DLC1: variants seen among roughly 807,000 people sequenced by gnomAD.
DLC1 encodes the protein rho GTPase-activating protein 7.
In DLC1, 54 loss-of-function variants were observed where a neutral mutation model predicts 140.3. The ratio of observed to expected loss-of-function variants is 0.38; its 90% CI spans 0.31 to 0.48. The LOEUF is 0.48. Ranked by LOEUF, DLC1 falls within the 20% of genes least tolerant of loss-of-function variation. DLC1 has a pLI of 0.96. For missense variants in DLC1, 2,536 were observed against 1,907.0 expected, an observed-to-expected ratio of 1.33 and a Z score of -6.14; for synonymous variants, 986 against 728.1, an observed-to-expected ratio of 1.35 and a Z score of -5.70.
intron 1 of DLC1, among the ~76,000 whole-genome samples, chr8:13,532,092 C>T (rs539979113): frequency 4.7e-4 from 71 of 152,190 alleles, no homozygotes; most frequent in African/African-American, 1.7e-3. Context: ...TAGATTAGAG[C>T]CAAAAGAGGT....
Position 13,393,545 on chromosome 8 carries a change from G to C in DLC1, c.1314+8C>G. 1.2e-6 allele frequency: 2 copies of C among 1,612,742 alleles called. No individual in the cohort carries two copies. Among genetic ancestry groups the C allele is most frequent in the Non-Finnish European group, 1.7e-6 (2 of 1,179,414 alleles). On this transcript the variant is annotated splice_region_variant and intron_variant, in intron 4 of 17. Transcript: ENST00000276297. Reference sequence around the variant, plus strand: ...CGTAGAGACTCTCTGTTATTATTTAGAACTCACCGTAGTCTTGGGTTTGGT... The same window carrying C: ...CGTAGAGACTCTCTGTTATTATTTACAACTCACCGTAGTCTTGGGTTTGGT...
At chr8:13,557,020 A>T (rs1412066156) in intron 1 of DLC1, among the ~76,000 whole-genome samples, 1 of 152,138 alleles carries the variant, frequency 6.6e-6, no homozygotes, top group Non-Finnish European at 1.5e-5. Context: ...AGTAATTGTC[A>T]TATGCATATT....
chr8:13,279,286 T>C (rs570060816), intron 5 of DLC1, among the ~76,000 whole-genome samples: 1 of 152,284 alleles, frequency 6.6e-6, no homozygotes, highest in East Asian at 1.9e-4. Flanking sequence ...ACCAAAGTGT[T>C]ATAAAACAAC....
At position 13,565,968 on chromosome 8, in the gene DLC1, T is replaced by C. The variant is rs112976510; in HGVS notation, c.-126+38569A>G. On this transcript the variant is annotated intron_variant, in intron 1 of 1. Coordinates refer to the DLC1 transcript ENST00000631382. Reference sequence around the variant, plus strand: ...GAGTTCCCTGAACTTATAGTACTTATTTCTCCAAATCCTCTGGACGTGTGT... The same window carrying C: ...GAGTTCCCTGAACTTATAGTACTTACTTCTCCAAATCCTCTGGACGTGTGT... Among the ~76,000 whole-genome samples, 473 of 152,334 alleles carry C rather than the reference T, an allele frequency of 3.1e-3. 7 individuals carry two copies. The highest frequency in any genetic ancestry group is 0.013 in the East Asian group (69 of 5,184).
intron 4 of DLC1, among the ~76,000 whole-genome samples, chr8:13,346,479 C>T (rs187437853): frequency 7.2e-5 from 11 of 152,310 alleles, no homozygotes; most frequent in African/African-American, 1.4e-4. Context: ...TTCTCACAGA[C>T]GGCAAAAACT....
intron 4 of DLC1, among the ~76,000 whole-genome samples, chr8:13,308,163 TAATC>T (rs1832531774): frequency 1.3e-5 from 2 of 152,212 alleles, no homozygotes; most frequent in Non-Finnish European, 2.9e-5. Flanking sequence ...ATAAAAATGA[TAATC>T]AGTGAGTTGG....
chr8:13,412,576 C>G (rs1307658717), intron 2 of DLC1, among the ~76,000 whole-genome samples: 1 of 152,064 alleles, frequency 6.6e-6, no homozygotes, highest in East Asian at 1.9e-4. Flanking sequence ...TAGTTGCATA[C>G]GATGACGCAG....
chr8:13,253,128 A>G (rs184910988), intron 5 of DLC1, among the ~76,000 whole-genome samples: 2 of 152,364 alleles, frequency 1.3e-5, no homozygotes, highest in East Asian at 1.9e-4. Flanking sequence ...TGTAAGAACT[A>G]AAGTTGAGCC....
At chr8:13,129,200 CA>C (rs1431859879) in intron 5 of DLC1, among the ~76,000 whole-genome samples, 2 of 152,246 alleles carry the variant, frequency 1.3e-5, no homozygotes, top group African/African-American at 4.8e-5. Context: ...AAACATACTT[CA>C]ACCCTACAGC....
At chr8:13,350,944 A>G (rs754429165) in intron 4 of DLC1, among the ~76,000 whole-genome samples, 1 of 151,602 alleles carries the variant, frequency 6.6e-6, no homozygotes, top group Non-Finnish European at 1.5e-5. Context: ...ATATTTTTAA[A>G]CACTCAAATC....
intron 5 of DLC1, among the ~76,000 whole-genome samples, chr8:13,278,935 A>C (rs1831268295): frequency 6.6e-6 from 1 of 152,196 alleles, no homozygotes; most frequent in South Asian, 2.1e-4. Flanking sequence ...AAATTCGAAA[A>C]GCTTACATAG....
chr8:13,488,268 A>G (rs1430421166), intron 2 of DLC1, among the ~76,000 whole-genome samples: 1 of 152,182 alleles, frequency 6.6e-6, no homozygotes, highest in Non-Finnish European at 1.5e-5. Flanking sequence ...TCATAGTTGA[A>G]CCATTTTGTT....
intron 4 of DLC1, among the ~76,000 whole-genome samples, chr8:13,364,724 C>T (rs1007665975): frequency 6.6e-6 from 1 of 152,156 alleles, no homozygotes; most frequent in Non-Finnish European, 1.5e-5. Flanking sequence ...TTAAAATTAT[C>T]ACATGCTATA....
chr8:13,086,981 C>A (rs1385851165), intron 16 of DLC1, among the ~76,000 whole-genome samples: 1 of 152,274 alleles, frequency 6.6e-6, no homozygotes, highest in East Asian at 1.9e-4. Context: ...ACTTGGGCAA[C>A]AAAGTGATAC....
At chr8:13,277,263 G>A (rs1160080266) in intron 5 of DLC1, among the ~76,000 whole-genome samples, 1 of 152,078 alleles carries the variant, frequency 6.6e-6, no homozygotes. Flanking sequence ...AGTGACCTGT[G>A]GTCACCCCCA....
At chr8:13,307,135 A>G (rs1057289177) in intron 4 of DLC1, among the ~76,000 whole-genome samples, 1 of 151,220 alleles carries the variant, frequency 6.6e-6, no homozygotes, top group Non-Finnish European at 1.5e-5. Flanking sequence ...TACTTTGGCA[A>G]GATTAATTTG....
intron 5 of DLC1, chr8:13,133,043 C>T: frequency 6.3e-7 from 1 of 1,574,908 alleles, no homozygotes; most frequent in Non-Finnish European, 8.6e-7. Flanking sequence ...GGCGGCTCGG[C>T]TTCCGCGTCG....
At chr8:13,267,620 G>T (rs1830742472) in intron 5 of DLC1, among the ~76,000 whole-genome samples, 1 of 152,092 alleles carries the variant, frequency 6.6e-6, no homozygotes, top group Non-Finnish European at 1.5e-5. Flanking sequence ...CCACTGCATA[G>T]TGTCAACAAT....
At position 13,370,280 on chromosome 8, in the gene DLC1, A is replaced by T. The variant is rs920212990; in HGVS notation, c.1314+23273T>A. Among the ~76,000 whole-genome samples, 23 of 152,136 alleles carry T rather than the reference A, an allele frequency of 1.5e-4. 1 individual carries two copies. Among genetic ancestry groups the T allele is most frequent in the Non-Finnish European group, 5.9e-5 (4 of 68,024 alleles). ...ATAAGCTCTAACAAAACAGGGATTT[A>T]AAAATTATTATTTTTCATAATTAAT... On this transcript the variant is annotated intron_variant, in intron 4 of 17. Coordinates refer to ENST00000276297, the MANE Select transcript of DLC1 (RefSeq NM_182643.3).
Sources: gnomAD v4.1 joint callset for allele counts (sites outside exome capture counted in the v4.1 genomes callset) on GRCh38, gnomAD v4.1.1 for gene constraint, MANE v1.5 for transcripts, NCBI Gene and HGNC (gene_info 2026-07-23, HGNC 2026-07-21) for gene names.